The following KLHL32 variants were observed in gnomAD, a reference collection of about 807,000 sequenced individuals.
KLHL32 encodes the protein kelch like family member 32, also known as kelch-like protein 32.
Under a neutral mutation model 64.8 loss-of-function variants are expected in KLHL32, and 35 were observed. The ratio of observed to expected loss-of-function variants is 0.54; its 90% CI spans 0.41 to 0.72. The LOEUF is 0.72. KLHL32 is among the 30% of genes least tolerant of loss of function. KLHL32 has a pLI of 0.00. For synonymous variants in KLHL32, 259 were observed against 281.0 expected (o/e 0.92, Z 0.78); for missense variants, 589 against 768.5 (o/e 0.77, Z 2.76).
chr6:97,114,624 C>A, intron 7 of KLHL32, 115 bp downstream of exon 7: 1 of 1,230,622 alleles, frequency 8.1e-7, no homozygotes, highest in Non-Finnish European at 1.2e-6. Context: ...CCAAGCATGC[C>A]ATTTTAGCTA....
chr6:96,950,183 A>C (rs73758069), intron 1 of KLHL32, among the ~76,000 whole-genome samples: 2 of 152,118 alleles, frequency 1.3e-5, no homozygotes, highest in South Asian at 2.1e-4. Context: ...ATTTTTAATG[A>C]CAGAGGCAAG....
In KLHL32 at chr6:97,024,093, G is replaced by A. The variant is rs116692775; in HGVS notation, c.205-17399G>A. Among the ~76,000 whole-genome samples the A allele has an allele frequency of 5.9e-3, 898 of 152,250 alleles. 7 individuals are homozygous for A. Among genetic ancestry groups the A allele is most frequent in the African/African-American group, 0.02 (840 of 41,530 alleles). ...TTGTGTCTGATGATTAATCATTTAG[G>A]TAGTATCTGTTAGGAAGAGGACTCA... On this transcript the variant is annotated intron_variant, in intron 3 of 10. Transcript: ENST00000369261.
chr6:96,922,671 C>T (rs1461363853), upstream of KLHL32, among the ~76,000 whole-genome samples: 1 of 152,048 alleles, frequency 6.6e-6, no homozygotes, highest in Non-Finnish European at 1.5e-5. Context: ...CAAAAAACAG[C>T]TTTTGGGAAG....
intron 3 of KLHL32, among the ~76,000 whole-genome samples, chr6:97,027,114 A>T (rs1009757811): frequency 1.3e-5 from 2 of 150,070 alleles, no homozygotes; most frequent in African/African-American, 4.9e-5. Context: ...GTGAGCCGAG[A>T]TTGCGCCACT....
In KLHL32 at chr6:97,003,302, G is replaced by C. The variant is rs117345426; in HGVS notation, c.204+27125G>C. On this transcript the variant is annotated intron_variant, in intron 3 of 10. Transcript: ENST00000369261. ...TTAGCAGTATGTATGTCTTCTTTTA[G>C]AAAGTGTCTGTTCATGTCCTTTTCC... 5.9e-4 allele frequency among the ~76,000 whole-genome samples: 89 copies of C among 152,134 alleles called. No homozygotes were observed. The East Asian group carries it at 0.014, about 24-fold the overall frequency.
intron 6 of KLHL32, among the ~76,000 whole-genome samples, chr6:97,107,199 A>G (rs1470708776): frequency 1.3e-5 from 2 of 152,086 alleles, no homozygotes; most frequent in Admixed American, 1.3e-4. Context: ...AGGCTGAGGC[A>G]GGAGAATGGC....
chr6:97,139,055 G>A (rs937978606), intron 10 of KLHL32, 66 bp from the exon 11 acceptor site: 9 of 1,435,438 alleles, frequency 6.3e-6, no homozygotes, highest in Middle Eastern at 1.9e-4. Context: ...TTTCTTTTAT[G>A]TATACATAGC....
At chr6:96,963,047 A>T (rs1774048300) in intron 1 of KLHL32, among the ~76,000 whole-genome samples, 1 of 152,182 alleles carries the variant, frequency 6.6e-6, no homozygotes, top group Non-Finnish European at 1.5e-5. Flanking sequence ...AGGGGGAAAA[A>T]TCTTTTTTCC....
chr6:97,025,307 G>A lies in KLHL32; in HGVS notation c.205-16185G>A, dbSNP rs539020110. ...GCCCATCTGATGTTGACTGCATTCT[G>A]GGCTTGCATGCCTGAACTCCTGAAA... is the stretch of plus-strand genomic sequence containing the variant. On this transcript the variant is annotated intron_variant, in intron 3 of 10. Coordinates refer to ENST00000369261, the MANE Select transcript of KLHL32 (RefSeq NM_052904.4). Among the ~76,000 whole-genome samples, 237 of 152,236 alleles carry A rather than the reference G, an allele frequency of 1.6e-3. 1 individual carries two copies. The highest frequency in any genetic ancestry group is 5.3e-3 in the African/African-American group (220 of 41,560).
Position 97,057,381 on chromosome 6 carries a change from A to G in KLHL32, c.313-7247A>G, listed in dbSNP as rs1210772160. Among the ~76,000 whole-genome samples, 3 of 104,976 alleles carry G rather than the reference A, an allele frequency of 2.9e-5. No individual in the cohort carries two copies. The East Asian group carries it at 8.0e-4, about 28-fold the overall frequency. The allele number at this position is 104,976 out of a possible 152,430, so 68.9% of individuals were successfully genotyped here. A position where few individuals can be genotyped will look rare whatever the true frequency, so the allele number is the denominator to read the frequency against. ...GTATTTTTAGTAGAGACGGGGTTTC[A>G]CTGTGTTAGCCAGGATGGTCTCGAT... On this transcript the variant is annotated intron_variant, in intron 4 of 10. Transcript: ENST00000369261.
intron 6 of KLHL32, among the ~76,000 whole-genome samples, chr6:97,100,966 C>CTTTTTTTTTTTTTTTTTT (rs58422496): frequency 1.4e-5 from 1 of 69,472 alleles, no homozygotes; most frequent in African/African-American, 7.1e-5. Flanking sequence ...TGCAGCCAAG[C>CTTTTTTTTTTTTTTTTTT]TTTTTTTTTT....
intron 1 of KLHL32, among the ~76,000 whole-genome samples, chr6:96,932,655 C>G (rs1379238444): frequency 7.1e-6 from 1 of 141,600 alleles, no homozygotes; most frequent in African/African-American, 2.6e-5. Flanking sequence ...CAGACTTAAT[C>G]TCCCGGGCTC....
At chr6:97,033,688 T>C (rs1227703408) in intron 3 of KLHL32, among the ~76,000 whole-genome samples, 1 of 152,044 alleles carries the variant, frequency 6.6e-6, no homozygotes, top group East Asian at 1.9e-4. Flanking sequence ...CACCAACACT[T>C]ATCTTCTGTC....
At chr6:97,075,739 A>G (rs546294289) in intron 5 of KLHL32, among the ~76,000 whole-genome samples, 1 of 152,156 alleles carries the variant, frequency 6.6e-6, no homozygotes, top group East Asian at 1.9e-4. Flanking sequence ...GTCACATAAT[A>G]CCTTGATTTA....
At chr6:96,901,013 G>T in the KLHL32 span, among the ~76,000 whole-genome samples, 1 of 152,170 alleles carries the variant, frequency 6.6e-6, no homozygotes, top group Non-Finnish European at 1.5e-5. Flanking sequence ...GCGGGGGGTA[G>T]TGCCACAAAC....
At chr6:96,982,272 T>G (rs1776409466) in intron 3 of KLHL32, among the ~76,000 whole-genome samples, 1 of 152,208 alleles carries the variant, frequency 6.6e-6, no homozygotes, top group African/African-American at 2.4e-5. Flanking sequence ...AGTTATGTCT[T>G]TTTGTTGAAT....
chr6:97,069,400 CTTTTTT>C (rs199967868), intron 5 of KLHL32, among the ~76,000 whole-genome samples: 4 of 134,538 alleles, frequency 3.0e-5, no homozygotes, highest in Non-Finnish European at 3.2e-5. Flanking sequence ...GATTTTGTTC[CTTTTTT>C]TTTTTTTTTT....
chr6:97,073,055 G>A (rs1353998911), intron 5 of KLHL32, among the ~76,000 whole-genome samples: 2 of 152,072 alleles, frequency 1.3e-5, no homozygotes, highest in Admixed American at 6.6e-5. Context: ...ATCCTACATC[G>A]GTGAGTGCTC....
intron 4 of KLHL32, among the ~76,000 whole-genome samples, chr6:97,053,735 A>G (rs1409604210): frequency 1.3e-5 from 2 of 151,808 alleles, no homozygotes; most frequent in Non-Finnish European, 1.5e-5. Flanking sequence ...TTTAATTTAT[A>G]TACTATGCAT....
Sources: gnomAD v4.1 joint callset for allele counts (sites outside exome capture counted in the v4.1 genomes callset) on GRCh38, gnomAD v4.1.1 for gene constraint, MANE v1.5 for transcripts, NCBI Gene and HGNC (gene_info 2026-07-23, HGNC 2026-07-21) for gene names.